The following DNAH14 variants were observed in gnomAD, a reference collection of about 807,000 sequenced individuals.
DNAH14 encodes dynein axonemal heavy chain 14.
A neutral mutation model predicts 520.9 loss-of-function variants in DNAH14; 478 were observed. That is an observed-to-expected ratio of 0.92 (90% CI 0.85 to 0.99). The LOEUF is 0.99. Ranked by LOEUF, DNAH14 falls within the 50% of genes least tolerant of loss-of-function variation. The pLI is 0.00. For missense variants in DNAH14, 4,831 were observed against 5,234.5 expected, an observed-to-expected ratio of 0.92 and a Z score of 2.38; for synonymous variants, 1,581 against 1,757.2, an observed-to-expected ratio of 0.90 and a Z score of 2.51.
chr1:225,001,204 C>T (rs2489321), intron 8 of DNAH14, among the ~76,000 whole-genome samples: 14,533 of 151,924 alleles, frequency 0.096, 2,248 homozygotes, highest in African/African-American at 0.33. Flanking sequence ...ACCCAGGGAA[C>T]TTACCACCAT....
At chr1:225,078,794 C>A in intron 17 of DNAH14, among the ~76,000 whole-genome samples, 1 of 51,002 alleles carries the variant, frequency 2.0e-5, no homozygotes, top group Non-Finnish European at 5.2e-5. Flanking sequence ...CTCTCTCTCT[C>A]TCTCTCTCTC....
intron 8 of DNAH14, among the ~76,000 whole-genome samples, chr1:224,994,920 A>G (rs946921918): frequency 2.6e-5 from 4 of 152,092 alleles, no homozygotes; most frequent in Non-Finnish European, 5.9e-5. Flanking sequence ...CTTAACTTTG[A>G]TTGCATACAA....
intron 9 of DNAH14, among the ~76,000 whole-genome samples, chr1:225,003,553 A>T (rs1357101752): frequency 6.6e-6 from 1 of 152,076 alleles, no homozygotes; most frequent in Non-Finnish European, 1.5e-5. Context: ...CTCGAAAATC[A>T]GTTGTGTTGA....
At chr1:225,117,212 A>G (rs2076931078) in intron 23 of DNAH14, among the ~76,000 whole-genome samples, 1 of 152,154 alleles carries the variant, frequency 6.6e-6, no homozygotes, top group South Asian at 2.1e-4. Context: ...GAAATTCTCT[A>G]TACAGTGAAT....
At chr1:225,059,830 T>C (rs12563918) in intron 17 of DNAH14, among the ~76,000 whole-genome samples, 7,860 of 152,158 alleles carry the variant, frequency 0.052, 11 homozygotes, top group East Asian at 0.21. Flanking sequence ...AAAATTCTTT[T>C]CTTTAAGAAT....
At chr1:225,161,467 G>T (rs1436844021) in intron 35 of DNAH14, among the ~76,000 whole-genome samples, 1 of 152,136 alleles carries the variant, frequency 6.6e-6, no homozygotes, top group Non-Finnish European at 1.5e-5. Flanking sequence ...GAACAGTACT[G>T]CAGCAAACAT....
rs1187259261 is a variant in DNAH14 at position 225,153,766 on chromosome 1, G to A, written c.5213G>A (p.Gly1738Asp). The A allele has an allele frequency of 1.3e-6, 2 of 1,546,756 alleles. No homozygotes were observed. Among genetic ancestry groups the A allele is most frequent in the Non-Finnish European group, 1.7e-6 (2 of 1,144,142 alleles). Residue 1738 changes from glycine (G) to aspartate (D), a missense_variant, in exon 34 of 86, where the codon GGC (glycine) becomes GAC (aspartate). Physicochemically the swap from Gly to Asp is moderately conservative, Grantham distance 94 (BLOSUM62 -1). Coordinates refer to ENST00000682510, the MANE Select transcript of DNAH14 (RefSeq NM_001367479.1). Reference protein sequence around the residue: ...QLSQQDHYNFGLRSLKIVLIM... With the variant: ...QLSQQDHYNFDLRSLKIVLIM... Reference sequence around the variant, plus strand: ...GTTTGATAGGATCATTATAATTTTGGCTTGAGATCTCTGAAGATAGTTTTA... The same window carrying A: ...GTTTGATAGGATCATTATAATTTTGACTTGAGATCTCTGAAGATAGTTTTA...
intron 48 of DNAH14, among the ~76,000 whole-genome samples, 180 bp downstream of exon 48, chr1:225,265,549 G>A (rs749616485): frequency 2.0e-5 from 3 of 152,094 alleles, no homozygotes; most frequent in Non-Finnish European, 4.4e-5. Flanking sequence ...TTTCCAATAT[G>A]TTGAATTATA....
At chr1:225,194,556 G>A (rs969000916) in intron 38 of DNAH14, among the ~76,000 whole-genome samples, 4 of 151,920 alleles carry the variant, frequency 2.6e-5, no homozygotes, top group Non-Finnish European at 5.9e-5. Flanking sequence ...TGATTTACAT[G>A]TAAAACTTGA....
intron 15 of DNAH14, among the ~76,000 whole-genome samples, chr1:225,046,068 TATGA>T (rs1553405802): frequency 6.6e-6 from 1 of 151,800 alleles, no homozygotes; most frequent in Non-Finnish European, 1.5e-5. Context: ...CATTTATTTA[TATGA>T]ATATGGATTC....
Position 225,337,349 on chromosome 1 carries a change from G to T in DNAH14, c.10164G>T (p.Trp3388Cys). The change falls in exon 67 of 86, where the codon TGG becomes TGT. Residue 3388 changes from tryptophan (W) to cysteine (C), a missense_variant. Coordinates refer to ENST00000682510, the MANE Select transcript of DNAH14 (RefSeq NM_001367479.1). ...NAILIKNGQQWPLLIDPHRQA... is the reference protein window; with the variant it reads ...NAILIKNGQQCPLLIDPHRQA... The stretch of plus-strand genomic sequence containing the variant: ...TCTTGATCAAGAATGGCCAGCAGTG[G>T]CCACTGCTGATTGACCCACATAGGC... 14 of 1,551,642 alleles carry T rather than the reference G, an allele frequency of 9.0e-6. No homozygotes were observed. The highest frequency in any genetic ancestry group is 1.2e-5 in the Non-Finnish European group (14 of 1,146,996).
At position 225,023,656 on chromosome 1, in the gene DNAH14, ACT is replaced by A. The variant is rs1298570276; in HGVS notation, c.1154_1155del (p.Ser385Ter). ...AAATCAAAGAGTATTTTGAGTCAAAACTCTCTGAAGATGACACAACACATTTC... is the reference window on the plus strand; with the variant it reads ...AAATCAAAGAGTATTTTGAGTCAAAACTCTGAAGATGACACAACACATTTC... ...NEIKEYFESK[L>X]SEDDTTHFKL... On this transcript the variant is annotated frameshift_variant, in exon 11 of 86. Coordinates refer to ENST00000682510, the MANE Select transcript of DNAH14 (RefSeq NM_001367479.1). LOFTEE classifies it high-confidence loss of function. 18 of 1,545,830 alleles carry A rather than the reference ACT, an allele frequency of 1.2e-5. No homozygotes were observed. Among genetic ancestry groups the A allele is most frequent in the East Asian group, 7.4e-5 (3 of 40,704 alleles).
chr1:224,955,974 C>G (rs2501063), intron 3 of DNAH14, among the ~76,000 whole-genome samples: 14 of 152,098 alleles, frequency 9.2e-5, no homozygotes, highest in African/African-American at 3.4e-4. Context: ...AAGACTCTTT[C>G]AAGGTCACCA....
intron 17 of DNAH14, among the ~76,000 whole-genome samples, chr1:225,064,594 AC>A (rs2070613594): frequency 6.6e-6 from 1 of 151,994 alleles, no homozygotes; most frequent in Non-Finnish European, 1.5e-5. Flanking sequence ...AAAAAAAAGA[AC>A]AAGCTACTAC....
intron 36 of DNAH14, among the ~76,000 whole-genome samples, chr1:225,168,508 G>T (rs564936316): frequency 1.3e-5 from 2 of 152,208 alleles, no homozygotes; most frequent in South Asian, 2.1e-4. Context: ...ATTATATCCA[G>T]TGCCTGGCTT....
chr1:225,250,707 G>A (rs996141674), intron 43 of DNAH14: 26 of 542,732 alleles, frequency 4.8e-5, no homozygotes, highest in Middle Eastern at 2.7e-4. Context: ...GGGAACTGTG[G>A]GCAAGTACCT....
chr1:225,355,213 G>A (rs146513512), intron 73 of DNAH14, among the ~76,000 whole-genome samples: 2 of 152,234 alleles, frequency 1.3e-5, no homozygotes, highest in Non-Finnish European at 2.9e-5. Context: ...TGCTTCATGG[G>A]TGGCATCGTC....
intron 1 of DNAH14, among the ~76,000 whole-genome samples, chr1:224,941,332 T>C (rs1300592581): frequency 6.6e-6 from 1 of 152,214 alleles, no homozygotes; most frequent in Admixed American, 6.5e-5. Flanking sequence ...GAGAAGTGTC[T>C]GTTCATATCC....
chr1:225,243,734 A>G (rs1166628107), intron 43 of DNAH14, among the ~76,000 whole-genome samples: 2 of 152,172 alleles, frequency 1.3e-5, no homozygotes, highest in Non-Finnish European at 2.9e-5. Flanking sequence ...TTATCAGCTT[A>G]AGGAGTTTTT....
Sources: gnomAD v4.1 joint callset for allele counts (sites outside exome capture counted in the v4.1 genomes callset) on GRCh38, gnomAD v4.1.1 for gene constraint, MANE v1.5 for transcripts, NCBI Gene and HGNC (gene_info 2026-07-23, HGNC 2026-07-21) for gene names.